Variants in PRMT8 observed in about 807,000 individuals in gnomAD.
The protein encoded by PRMT8 is protein arginine methyltransferase 8, also known as protein arginine N-methyltransferase 8.
A neutral mutation model predicts 47.1 loss-of-function variants in PRMT8; 7 were observed. That is an observed-to-expected ratio of 0.15 (90% CI 0.08 to 0.28). PRMT8 has a LOEUF of 0.28. PRMT8 is among the 10% of genes least tolerant of loss of function. The pLI is 1.00. For synonymous variants in PRMT8, 188 were observed against 186.5 expected (o/e 1.01, Z -0.07); for missense variants, 237 against 505.4 (o/e 0.47, Z 5.09).
rs145133971 is a variant in PRMT8 at position 3,587,463 on chromosome 12, G to A, written c.979+4255G>A. 1.2e-3 allele frequency among the ~76,000 whole-genome samples: 181 copies of A among 152,072 alleles called. 4 individuals are homozygous for A. In the East Asian group the frequency reaches 0.034, roughly 29 times the overall value. ...AACTGTAATATAATTATAATTAAAT[G>A]TAAATCAATTAATGCATATTTGCAT... is the stretch of plus-strand genomic sequence containing the variant. On this transcript the variant is annotated intron_variant, in intron 8 of 9. Transcript: ENST00000382622.
upstream of PRMT8, among the ~76,000 whole-genome samples, chr12:3,486,877 G>T (rs907682163): frequency 6.6e-6 from 1 of 152,222 alleles, no homozygotes; most frequent in Admixed American, 6.5e-5. Flanking sequence ...GAGCAAGGAA[G>T]AAATAACATT....
chr12:3,413,328 A>G (rs1042086018), intron 1 of PRMT8, among the ~76,000 whole-genome samples: 1 of 152,202 alleles, frequency 6.6e-6, no homozygotes, highest in Admixed American at 6.5e-5. Context: ...GTTTTCTGCC[A>G]TGATGGTGAG....
At chr12:3,588,316 C>G (rs1183663266) in intron 8 of PRMT8, among the ~76,000 whole-genome samples, 1 of 152,184 alleles carries the variant, frequency 6.6e-6, no homozygotes, top group African/African-American at 2.4e-5. Flanking sequence ...TCCAAACTTA[C>G]AGCTAGAAAA....
intron 1 of PRMT8, among the ~76,000 whole-genome samples, chr12:3,485,364 G>A (rs1221376588): frequency 6.6e-6 from 1 of 152,166 alleles, no homozygotes; most frequent in Non-Finnish European, 1.5e-5. Context: ...AAGATAATTA[G>A]ATTTGCACCT....
At chr12:3,553,563 G>A in intron 3 of PRMT8, 88 bp from the exon 4 acceptor site, 1 of 1,142,996 alleles carries the variant, frequency 8.7e-7, no homozygotes. Context: ...CCCCTGTCTG[G>A]GCCTCAGCGT....
intron 1 of PRMT8, chr12:3,468,843 A>G (rs1293130583): frequency 1.3e-5 from 2 of 153,650 alleles, no homozygotes; most frequent in African/African-American, 2.4e-5. Flanking sequence ...AGTTTTGCAC[A>G]AGCTCTATGT....
At chr12:3,541,337 A>G (rs567778163) in intron 2 of PRMT8, among the ~76,000 whole-genome samples, 1 of 152,296 alleles carries the variant, frequency 6.6e-6, no homozygotes, top group East Asian at 1.9e-4. Context: ...AGCAGGGAAG[A>G]CTAATGTTGA....
intron 1 of PRMT8, among the ~76,000 whole-genome samples, chr12:3,399,618 C>A (rs1416852182): frequency 6.6e-6 from 1 of 152,134 alleles, no homozygotes; most frequent in African/African-American, 2.4e-5. Context: ...TTGGAGGAGT[C>A]AATATCGTGA....
rs1023864952 is a variant in PRMT8 at position 3,569,861 on chromosome 12, G to A, written c.712+297G>A. Among the ~76,000 whole-genome samples the A allele has an allele frequency of 3.3e-5, 5 of 152,200 alleles. No individual in the cohort carries two copies. Among genetic ancestry groups the A allele is most frequent in the Non-Finnish European group, 5.9e-5 (4 of 68,032 alleles). On this transcript the variant is annotated intron_variant, in intron 6 of 9. Coordinates refer to ENST00000382622, the MANE Select transcript of PRMT8 (RefSeq NM_019854.5). The surrounding 1 kb of genome is among the most constrained non-coding windows in gnomAD (Gnocchi z 8.2). ...CTGAGGCAGCAGAAGCTGAGTTTTT[G>A]CAGAGATCAGCAGGGCAAGTGGCTT...
intron 1 of PRMT8, among the ~76,000 whole-genome samples, chr12:3,424,426 C>T (rs936706238): frequency 9.2e-5 from 14 of 152,260 alleles, no homozygotes; most frequent in African/African-American, 2.4e-4. Flanking sequence ...AGTCCTAATT[C>T]GTGACAAATG....
intron 1 of PRMT8, among the ~76,000 whole-genome samples, chr12:3,496,214 A>ATATATATTTTTTT: frequency 1.1e-4 from 3 of 27,776 alleles, no homozygotes; most frequent in Non-Finnish European, 2.4e-4. Context: ...ATATATATAT[A>ATATATATTTTTTT]TTTTTTTTTT....
At chr12:3,521,452 T>C (rs1469028113) in intron 1 of PRMT8, among the ~76,000 whole-genome samples, 1 of 152,086 alleles carries the variant, frequency 6.6e-6, no homozygotes, top group Admixed American at 6.5e-5. Context: ...CAGGCACCTG[T>C]AATCCCAGCT....
At chr12:3,381,367 CT>C in exon 1 of PRMT8, 1 of 1,535,382 alleles carries the variant, frequency 6.5e-7, no homozygotes, top group Non-Finnish European at 8.7e-7. Flanking sequence ...ACCAGGGAGG[CT>C]TGCTGTTTGA....
chr12:3,584,648 G>A (rs1454396653), intron 8 of PRMT8, among the ~76,000 whole-genome samples: 2 of 152,180 alleles, frequency 1.3e-5, no homozygotes, highest in East Asian at 3.8e-4. Flanking sequence ...ACTCTTCAGA[G>A]GCAAATATTA....
rs563728515 is a variant in PRMT8 at position 3,492,534 on chromosome 12, C to T, written c.75+834C>T. ...AGCTCCGCAAATTGTGTTCTCGGCC[C>T]CCGCCTTCGGCAGCCTTTTTCTCTA... On this transcript the variant is annotated intron_variant, in intron 1 of 9. Transcript: ENST00000382622. The surrounding 1 kb of genome is among the most constrained non-coding windows in gnomAD (Gnocchi z 7.5). Among the ~76,000 whole-genome samples, 8 of 152,344 alleles carry T rather than the reference C, an allele frequency of 5.3e-5. No individual in the cohort carries two copies. The highest frequency in any genetic ancestry group is 2.1e-4 in the South Asian group (1 of 4,832).
In PRMT8 at chr12:3,580,277, G is replaced by A. The variant is rs1452706995; in HGVS notation, c.829-2781G>A. Among the ~76,000 whole-genome samples the A allele has an allele frequency of 6.6e-6, 1 of 152,010 alleles. No individual in the cohort carries two copies. Among genetic ancestry groups the A allele is most frequent in the African/African-American group, 2.4e-5 (1 of 41,368 alleles). On this transcript the variant is annotated intron_variant, in intron 7 of 9. Coordinates refer to ENST00000382622, the MANE Select transcript of PRMT8 (RefSeq NM_019854.5). The surrounding 1 kb of genome is among the most constrained non-coding windows in gnomAD (Gnocchi z 4.6). ...AGTTGATAGCTGACATTTTGTTGAT[G>A]GACATCTGACAGCAAGATCCTTTAG...
intron 4 of PRMT8, among the ~76,000 whole-genome samples, chr12:3,556,924 C>CT (rs1866538443): frequency 6.6e-6 from 1 of 152,186 alleles, no homozygotes; most frequent in Admixed American, 6.5e-5. Context: ...GAGAGGCGGC[C>CT]TTTGCCTTGG....
chr12:3,385,115 C>T (rs746334260), intron 1 of PRMT8, among the ~76,000 whole-genome samples: 75 of 152,172 alleles, frequency 4.9e-4, no homozygotes, highest in Non-Finnish European at 7.2e-4. Flanking sequence ...TTTCTCATTG[C>T]TGTGACATCT....
At chr12:3,392,138 C>G (rs919321221) in intron 1 of PRMT8, among the ~76,000 whole-genome samples, 5 of 151,916 alleles carry the variant, frequency 3.3e-5, no homozygotes, top group Non-Finnish European at 7.4e-5. Flanking sequence ...CAGCCTGGGG[C>G]CAGATCACAG....
Sources: allele counts gnomAD v4.1 joint callset (sites outside exome capture counted in the v4.1 genomes callset), GRCh38; gene constraint gnomAD v4.1.1; non-coding constraint Gnocchi (gnomAD v3.1); transcripts MANE v1.5; gene names NCBI Gene and HGNC (gene_info 2026-07-23, HGNC 2026-07-21).